Variants in SCN8A observed in about 807,000 individuals in gnomAD.
The protein encoded by SCN8A is sodium channel protein type 8 subunit alpha.
SCN8A carries 30 observed loss-of-function variants against 184.1 expected under a neutral mutation model. That is an observed-to-expected ratio of 0.16 (90% CI 0.12 to 0.22). The LOEUF (loss-of-function observed/expected upper bound fraction) is 0.22. SCN8A is among the 10% of genes least tolerant of loss of function. The probability of loss-of-function intolerance (pLI) is 1.00; values close to 1 mark genes in which losing one functional copy is unlikely to be tolerated. For missense variants in SCN8A, 1,057 were observed against 2,498.9 expected (o/e 0.42, Z 12.30); for synonymous variants, 852 against 907.0 (o/e 0.94, Z 1.09).
intron 1 of SCN8A, among the ~76,000 whole-genome samples, chr12:51,605,809 G>A (rs929773258): frequency 1.3e-5 from 2 of 152,220 alleles, no homozygotes; most frequent in East Asian, 1.9e-4. Context: ...AGGTGGTATT[G>A]CATTGTGGTT....
chr12:51,809,572 G>A lies in SCN8A; in HGVS notation c.*2143G>A, dbSNP rs1938826602. 6.6e-6 allele frequency: 1 copy of A among 152,206 alleles called. No individual in the cohort carries two copies. The highest frequency in any genetic ancestry group is 2.1e-4 in the South Asian group (1 of 4,834). The allele number at this position is 152,206 out of a possible 1,614,324, so 9.4% of individuals were successfully genotyped here. A position where few individuals can be genotyped will look rare whatever the true frequency, so the allele number is the denominator to read the frequency against. On this transcript the variant is annotated 3_prime_UTR_variant, in exon 27 of 27. Transcript: ENST00000627620. ...ACTACACCCAATACCAGACTGGGAAGGCCTATCTTTCAGTGACCCTGCTAA... is the reference window on the plus strand; with the variant it reads ...ACTACACCCAATACCAGACTGGGAAAGCCTATCTTTCAGTGACCCTGCTAA...
At chr12:51,647,413 T>G (rs1940614302) in intron 1 of SCN8A, among the ~76,000 whole-genome samples, 1 of 152,152 alleles carries the variant, frequency 6.6e-6, no homozygotes, top group Non-Finnish European at 1.5e-5. Context: ...CAGAGGCAAA[T>G]AGCTCAGCTT....
chr12:51,691,299 G>A (rs1004292582), intron 6 of SCN8A, among the ~76,000 whole-genome samples: 1 of 152,164 alleles, frequency 6.6e-6, no homozygotes, highest in African/African-American at 2.4e-5. Flanking sequence ...GCTGTCTCTA[G>A]TCTAGCTCAT....
chr12:51,714,127 C>T (rs562098719), intron 11 of SCN8A, among the ~76,000 whole-genome samples: 1 of 152,002 alleles, frequency 6.6e-6, no homozygotes, highest in Non-Finnish European at 1.5e-5. Context: ...AAGTTTCATA[C>T]AGATATGTAG....
chr12:51,610,885 T>G (rs1417537505), intron 1 of SCN8A, among the ~76,000 whole-genome samples: 1 of 152,260 alleles, frequency 6.6e-6, no homozygotes, highest in African/African-American at 2.4e-5. Context: ...GACTTAAAAT[T>G]GGATATTGTG....
At chr12:51,695,216 T>A (rs188324488) in intron 6 of SCN8A, among the ~76,000 whole-genome samples, 1 of 152,238 alleles carries the variant, frequency 6.6e-6, no homozygotes, top group Admixed American at 6.5e-5. Flanking sequence ...TATCTGACCC[T>A]CTGTGAAGTA....
intron 26 of SCN8A, among the ~76,000 whole-genome samples, chr12:51,798,331 A>G (rs1368382098): frequency 6.6e-6 from 1 of 152,228 alleles, no homozygotes; most frequent in African/African-American, 2.4e-5. Flanking sequence ...CCGTGAGTCC[A>G]CAGATGGTAG....
At position 51,703,237 on chromosome 12, in the gene SCN8A, T is replaced by TTTTTG. The variant is rs5798183; in HGVS notation, c.1134+348_1134+352dup. Among the ~76,000 whole-genome samples the TTTTTG allele has an allele frequency of 0.79, 118,865 of 150,086 alleles. 49,111 individuals are homozygous for TTTTTG. Among genetic ancestry groups the TTTTTG allele is most frequent in the East Asian group, 0.96 (4,894 of 5,078 alleles). ...GGATATTTGGGGTTAGGGTTTGTTT[T>TTTTTG]TTTTGTTTTGTTTTGTTTTGTTTTG... On this transcript the variant is annotated intron_variant, in intron 9 of 26. Coordinates refer to ENST00000627620, the MANE Select transcript of SCN8A (RefSeq NM_001330260.2).
chr12:51,595,599 G>T (rs1043138151), intron 1 of SCN8A, among the ~76,000 whole-genome samples: 1 of 152,166 alleles, frequency 6.6e-6, no homozygotes, highest in African/African-American at 2.4e-5. Flanking sequence ...ATCTATTGGA[G>T]CTTCAGTGTT....
chr12:51,615,774 G>A (rs888930223), intron 1 of SCN8A, among the ~76,000 whole-genome samples: 3 of 152,120 alleles, frequency 2.0e-5, no homozygotes, highest in African/African-American at 4.8e-5. Context: ...CTGGAGTGCA[G>A]TGGTACAATC....
chr12:51,681,237 A>T (rs563402438), intron 2 of SCN8A, among the ~76,000 whole-genome samples: 34 of 152,232 alleles, frequency 2.2e-4, no homozygotes, highest in Admixed American at 3.9e-4. Flanking sequence ...CCACGTTGCC[A>T]CTGAACTGCC....
intron 2 of SCN8A, among the ~76,000 whole-genome samples, chr12:51,678,160 A>G (rs1941257819): frequency 6.6e-6 from 1 of 152,246 alleles, no homozygotes; most frequent in Non-Finnish European, 1.5e-5. Flanking sequence ...CTCAAAGTCA[A>G]CCCATCACCA....
At chr12:51,651,958 G>C (rs1441327386) in intron 1 of SCN8A, among the ~76,000 whole-genome samples, 9 of 152,154 alleles carry the variant, frequency 5.9e-5, no homozygotes. Context: ...CAGGTGCTTA[G>C]CTGGTGGTAT....
intron 14 of SCN8A, among the ~76,000 whole-genome samples, chr12:51,754,922 A>G (rs1267191907): frequency 6.6e-6 from 1 of 152,136 alleles, no homozygotes; most frequent in African/African-American, 2.4e-5. Context: ...TAATCACTTG[A>G]TTAAGGAGGT....
intron 1 of SCN8A, among the ~76,000 whole-genome samples, chr12:51,612,915 GT>G (rs1939753277): frequency 1.3e-5 from 2 of 152,038 alleles, no homozygotes; most frequent in East Asian, 3.9e-4. Context: ...TAGAGATGGG[GT>G]TTCACCATAT....
chr12:51,667,221 C>A (rs1460456412), intron 2 of SCN8A, among the ~76,000 whole-genome samples: 1 of 152,158 alleles, frequency 6.6e-6, no homozygotes, highest in East Asian at 1.9e-4. Flanking sequence ...ATAGTAGTAT[C>A]TTCCAGAGTT....
At chr12:51,611,364 G>A (rs895255876) in intron 1 of SCN8A, among the ~76,000 whole-genome samples, 3 of 151,856 alleles carry the variant, frequency 2.0e-5, no homozygotes, top group African/African-American at 7.3e-5. Flanking sequence ...GGGTTTCACC[G>A]GGTTAGCCAA....
chr12:51,616,419 G>C (rs1939837520), intron 1 of SCN8A, among the ~76,000 whole-genome samples: 1 of 152,094 alleles, frequency 6.6e-6, no homozygotes, highest in South Asian at 2.1e-4. Flanking sequence ...GACCAGCCTG[G>C]CTAACATGGT....
In SCN8A at chr12:51,788,287, C is replaced by CTTTTTTTTTTTTTTT. The variant is rs66672221; in HGVS notation, c.4228-401_4228-387dup. 2.4e-3 allele frequency among the ~76,000 whole-genome samples: 198 copies of CTTTTTTTTTTTTTTT among 83,996 alleles called. 2 individuals are homozygous for CTTTTTTTTTTTTTTT. The highest frequency in any genetic ancestry group is 9.2e-3 in the African/African-American group (184 of 20,082). The allele number at this position is 83,996 out of a possible 152,430, so 55.1% of individuals were successfully genotyped here. A position where few individuals can be genotyped will look rare whatever the true frequency, so the allele number is the denominator to read the frequency against. On this transcript the variant is annotated intron_variant, in intron 22 of 26. Coordinates refer to ENST00000627620, the MANE Select transcript of SCN8A (RefSeq NM_001330260.2). Reference sequence around the variant, plus strand: ...TTTTCCAACCCCCATCGCTTAACACCTTTTTTTTTTTTTTTTTTTTTGCTT... The same window carrying CTTTTTTTTTTTTTTT: ...TTTTCCAACCCCCATCGCTTAACACCTTTTTTTTTTTTTTTTTTTTTTTTTTTTTTTTTTTTGCTT...
Sources: gnomAD v4.1 joint callset for allele counts (sites outside exome capture counted in the v4.1 genomes callset) on GRCh38, gnomAD v4.1.1 for gene constraint, MANE v1.5 for transcripts, NCBI Gene and HGNC (gene_info 2026-07-23, HGNC 2026-07-21) for gene names.